The following SAMMSON variants were observed in gnomAD, a reference collection of about 807,000 sequenced individuals.
The protein encoded by SAMMSON is long intergenic non-protein coding RNA 1212.
intron 7 of SAMMSON, among the ~76,000 whole-genome samples, chr3:70,313,651 G>A (rs926453237): frequency 5.3e-5 from 8 of 152,026 alleles, no homozygotes; most frequent in Non-Finnish European, 1.2e-4. Context: ...AAGGTGGCTT[G>A]CCTCCTCCAG....
chr3:70,106,362 AC>A (rs1369254075), intron 4 of SAMMSON, among the ~76,000 whole-genome samples: 1 of 150,356 alleles, frequency 6.7e-6, no homozygotes. Context: ...TTTTTAAGAG[AC>A]AGGGTCTAGC....
downstream of SAMMSON, among the ~76,000 whole-genome samples, chr3:70,394,291 G>C (rs1412268491): frequency 6.6e-6 from 1 of 152,142 alleles, no homozygotes; most frequent in Non-Finnish European, 1.5e-5. Flanking sequence ...AGTGGGGGTG[G>C]TTTGGTGATC....
At chr3:70,171,778 T>C (rs530836329) in intron 4 of SAMMSON, among the ~76,000 whole-genome samples, 1 of 151,982 alleles carries the variant, frequency 6.6e-6, no homozygotes, top group South Asian at 2.1e-4. Flanking sequence ...ATACTCATTA[T>C]CCCAGAAAAT....
chr3:70,288,816 G>A (rs1207727272), intron 6 of SAMMSON, among the ~76,000 whole-genome samples: 1 of 151,588 alleles, frequency 6.6e-6, no homozygotes, highest in Non-Finnish European at 1.5e-5. Flanking sequence ...TTATGTAATG[G>A]CCTTCTTTGT....
chr3:70,008,952 C>A (rs1467303204), intron 1 of SAMMSON, among the ~76,000 whole-genome samples: 10 of 152,188 alleles, frequency 6.6e-5, no homozygotes, highest in Admixed American at 6.5e-4. Context: ...TATTGATTTG[C>A]ATATGTTGAA....
intron 1 of SAMMSON, among the ~76,000 whole-genome samples, chr3:70,009,828 G>A (rs1388077517): frequency 1.3e-5 from 2 of 150,242 alleles, no homozygotes; most frequent in African/African-American, 2.5e-5. Context: ...CAGAGATTCT[G>A]GTATGTTGTG....
At chr3:70,172,836 T>A (rs1211396750) in intron 4 of SAMMSON, 2 of 151,960 alleles carry the variant, frequency 1.3e-5, no homozygotes, top group Admixed American at 1.3e-4. Flanking sequence ...TTCTTAATTT[T>A]AAAAAAGAAG....
chr3:70,194,345 T>G (rs564599518), intron 4 of SAMMSON, among the ~76,000 whole-genome samples: 1 of 152,346 alleles, frequency 6.6e-6, no homozygotes, highest in South Asian at 2.1e-4. Flanking sequence ...AGAAAATATC[T>G]GAGCCTTCTC....
chr3:70,194,839 T>C (rs1701160701), intron 4 of SAMMSON, among the ~76,000 whole-genome samples: 1 of 152,138 alleles, frequency 6.6e-6, no homozygotes, highest in Non-Finnish European at 1.5e-5. Context: ...AGGAATAGGG[T>C]TCCAGAGACC....
intron 6 of SAMMSON, among the ~76,000 whole-genome samples, chr3:70,259,382 C>T (rs1165601068): frequency 2.6e-5 from 4 of 151,310 alleles, no homozygotes. Flanking sequence ...GAAATCACAA[C>T]ATGGAATTCC....
intron 7 of SAMMSON, among the ~76,000 whole-genome samples, chr3:70,324,322 T>C (rs1010098592): frequency 6.6e-6 from 1 of 152,112 alleles, no homozygotes; most frequent in Admixed American, 6.6e-5. Context: ...TTGAAAGTTA[T>C]GCACTGCCTG....
chr3:70,070,095 G>T (rs2067224350), intron 3 of SAMMSON: 1 of 151,888 alleles, frequency 6.6e-6, no homozygotes, highest in African/African-American at 2.4e-5. Flanking sequence ...CAATGTCTGG[G>T]AATTCAGACT....
intron 2 of SAMMSON, among the ~76,000 whole-genome samples, chr3:70,412,385 C>G (rs1446335459): frequency 6.6e-6 from 1 of 152,082 alleles, no homozygotes; most frequent in Non-Finnish European, 1.5e-5. Flanking sequence ...GTTTTCAAAA[C>G]AAATAAAAGA....
chr3:70,182,112 G>GA (rs762816504), intron 4 of SAMMSON, among the ~76,000 whole-genome samples: 3 of 152,108 alleles, frequency 2.0e-5, no homozygotes, highest in Non-Finnish European at 2.9e-5. Flanking sequence ...TTTGCCTTCA[G>GA]AAAGGGGCCT....
At chr3:70,125,266 C>T in intron 4 of SAMMSON, 1 of 1,273,684 alleles carries the variant, frequency 7.9e-7, no homozygotes. Context: ...ACATGATCTA[C>T]TGTGTTTCTG....
At chr3:70,049,799 A>G (rs1217528581) in intron 3 of SAMMSON, among the ~76,000 whole-genome samples, 6 of 152,106 alleles carry the variant, frequency 3.9e-5, no homozygotes, top group Non-Finnish European at 7.4e-5. Flanking sequence ...AGCTGGAAAA[A>G]TTTCAGTCAC....
At chr3:70,245,966 A>T (rs913201121) in intron 4 of SAMMSON, among the ~76,000 whole-genome samples, 13 of 151,542 alleles carry the variant, frequency 8.6e-5, no homozygotes, top group African/African-American at 3.1e-4. Flanking sequence ...TTCTTTTGAT[A>T]TGGTAGGGAA....
At chr3:70,341,329 G>GT (rs201630056) in intron 7 of SAMMSON, among the ~76,000 whole-genome samples, 295 of 151,508 alleles carry the variant, frequency 1.9e-3, no homozygotes, top group East Asian at 0.011. Context: ...GGCAGACCCT[G>GT]TTTTTTTTGG....
At chr3:70,325,129 T>C (rs1316688540) in intron 7 of SAMMSON, among the ~76,000 whole-genome samples, 1 of 152,104 alleles carries the variant, frequency 6.6e-6, no homozygotes, top group Non-Finnish European at 1.5e-5. Context: ...TTTTTGATGC[T>C]CTTGGTTTCT....
Sources: allele counts gnomAD v4.1 joint callset (sites outside exome capture counted in the v4.1 genomes callset), GRCh38; gene constraint gnomAD v4.1.1; transcripts MANE v1.5; gene names NCBI Gene and HGNC (gene_info 2026-07-23, HGNC 2026-07-21).